TMC5: variants seen among roughly 807,000 people sequenced by gnomAD.
TMC5 encodes transmembrane channel-like protein 5.
In TMC5, 86 loss-of-function variants were observed where a neutral mutation model predicts 110.5. The observed-to-expected ratio is 0.78, with a 90% CI of 0.65 to 0.93. The LOEUF (loss-of-function observed/expected upper bound fraction) is 0.93. Among genes scored for constraint, TMC5 ranks in the 40% least tolerant of loss-of-function variants. The probability of loss-of-function intolerance (pLI) is 0.00; values close to 1 mark genes in which losing one functional copy is unlikely to be tolerated. For synonymous variants in TMC5, 455 were observed against 439.5 expected (o/e 1.04, Z -0.44); for missense variants, 1,144 against 1,222.8 (o/e 0.94, Z 0.96).
chr16:19,430,017 G>T (rs1001400864), intron 1 of TMC5, among the ~76,000 whole-genome samples: 1 of 151,920 alleles, frequency 6.6e-6, no homozygotes, highest in Non-Finnish European at 1.5e-5. Context: ...TTTTTGAGGG[G>T]ATGCAACTCA....
chr16:19,429,832 A>G (rs955150024), intron 1 of TMC5, among the ~76,000 whole-genome samples: 2 of 152,132 alleles, frequency 1.3e-5, no homozygotes, highest in African/African-American at 4.8e-5. Flanking sequence ...AAGTACTGGG[A>G]TTACGGCGGG....
chr16:19,434,766 C>T (rs932881508), intron 2 of TMC5, among the ~76,000 whole-genome samples: 1 of 152,124 alleles, frequency 6.6e-6, no homozygotes, highest in African/African-American at 2.4e-5. Context: ...TCAGTGACTG[C>T]TTCCTTGATG....
chr16:19,470,877 G>A (rs1030548113), intron 10 of TMC5, among the ~76,000 whole-genome samples: 3 of 151,588 alleles, frequency 2.0e-5, no homozygotes, highest in Non-Finnish European at 2.9e-5. Context: ...ACTAAAAAAA[G>A]GACAAAAAAG....
At chr16:19,438,565 A>G (rs915305211) in intron 2 of TMC5, among the ~76,000 whole-genome samples, 5 of 151,292 alleles carry the variant, frequency 3.3e-5, no homozygotes, top group Admixed American at 2.6e-4. Context: ...TGGCCAACAT[A>G]GTGAAACCCT....
chr16:19,463,445 G>A lies in TMC5; in HGVS notation c.1236+78G>A, dbSNP rs1029808316. The stretch of plus-strand genomic sequence containing the variant: ...GTGAGGATGAAAGGGGACTCAGGGG[G>A]AAGATGAACCAAAAATCAGAGCAAT... On this transcript the variant is annotated intron_variant, in intron 7 of 21. Transcript: ENST00000542583. 3 of 1,201,664 alleles carry A rather than the reference G, an allele frequency of 2.5e-6. No individual in the cohort carries two copies. In the Admixed American group the frequency reaches 5.1e-5, roughly 20 times the overall value. The allele number at this position is 1,201,664 out of a possible 1,614,324, so 74.4% of individuals were successfully genotyped here.
At chr16:19,448,698 A>ATTTTAT (rs1555482027) in intron 4 of TMC5, among the ~76,000 whole-genome samples, 1 of 144,304 alleles carries the variant, frequency 6.9e-6, no homozygotes, top group African/African-American at 2.5e-5. Context: ...TAGATAATAT[A>ATTTTAT]TATATTTTAA....
chr16:19,412,246 A>AT (rs1403864352), intron 1 of TMC5, among the ~76,000 whole-genome samples: 11 of 142,844 alleles, frequency 7.7e-5, no homozygotes, highest in Non-Finnish European at 1.5e-4. Context: ...AATTTTTTAA[A>AT]TTTTTGTAGA....
intron 5 of TMC5, chr16:19,456,884 A>G: frequency 6.2e-7 from 1 of 1,614,220 alleles, no homozygotes; most frequent in Non-Finnish European, 8.5e-7. Flanking sequence ...GACAGTCAGC[A>G]AAAGGAATGA....
chr16:19,420,253 T>C (rs544280457), intron 1 of TMC5, among the ~76,000 whole-genome samples: 10 of 152,048 alleles, frequency 6.6e-5, no homozygotes, highest in South Asian at 2.1e-4. Context: ...GGTGAAACCC[T>C]GTCTCTACTA....
At chr16:19,481,333 T>A in intron 14 of TMC5, 37 bp from the exon 15 acceptor site, 2 of 1,418,078 alleles carry the variant, frequency 1.4e-6, no homozygotes, top group South Asian at 2.3e-5. Context: ...AAAGTGGGAG[T>A]TATGGTTTGG....
chr16:19,420,968 TAAAATG>T (rs1196486843), intron 1 of TMC5, among the ~76,000 whole-genome samples: 1 of 152,030 alleles, frequency 6.6e-6, no homozygotes, highest in African/African-American at 2.4e-5. Flanking sequence ...GGAAAGGACT[TAAAATG>T]AGAGGAGGTG....
At chr16:19,434,011 A>G (rs1967249443) in intron 2 of TMC5, among the ~76,000 whole-genome samples, 2 of 64,748 alleles carry the variant, frequency 3.1e-5, no homozygotes, top group South Asian at 8.8e-4. Flanking sequence ...TATTATATAT[A>G]TAATATATAT....
intron 10 of TMC5, among the ~76,000 whole-genome samples, chr16:19,470,105 A>G (rs896587753): frequency 2.6e-5 from 4 of 151,508 alleles, no homozygotes; most frequent in Admixed American, 6.6e-5. Flanking sequence ...TGTGTTAGCC[A>G]GGATGGTCTC....
At chr16:19,452,803 A>G (rs960078961) in intron 5 of TMC5, among the ~76,000 whole-genome samples, 2 of 152,082 alleles carry the variant, frequency 1.3e-5, no homozygotes, top group Non-Finnish European at 2.9e-5. Flanking sequence ...TTCTGAAATG[A>G]GGGAGAATTT....
chr16:19,449,770 G>T (rs1967706007), intron 5 of TMC5, 139 bp downstream of exon 5: 4 of 706,740 alleles, frequency 5.7e-6, no homozygotes, highest in Non-Finnish European at 9.9e-6. Context: ...ATGATATTGA[G>T]GGAGTTCCCT....
intron 1 of TMC5, among the ~76,000 whole-genome samples, chr16:19,422,160 G>A (rs1460587828): frequency 6.6e-6 from 1 of 152,004 alleles, no homozygotes; most frequent in Non-Finnish European, 1.5e-5. Flanking sequence ...GAACCTGGGA[G>A]GTGGAGGTTG....
At chr16:19,468,948 C>T (rs1968254803) in intron 9 of TMC5, among the ~76,000 whole-genome samples, 1 of 152,208 alleles carries the variant, frequency 6.6e-6, no homozygotes, top group South Asian at 2.1e-4. Flanking sequence ...GCTATGACTA[C>T]ACCACTGCAC....
At chr16:19,436,687 GA>G (rs1198530057) in intron 2 of TMC5, among the ~76,000 whole-genome samples, 2 of 152,144 alleles carry the variant, frequency 1.3e-5, no homozygotes, top group Non-Finnish European at 2.9e-5. Flanking sequence ...TAGTCAAAAA[GA>G]GAATGTAATG....
chr16:19,440,338 C>G lies in TMC5; in HGVS notation c.300C>G (p.Asp100Glu). 1.2e-6 allele frequency: 2 copies of G among 1,614,134 alleles called. No homozygotes were observed. The highest frequency in any genetic ancestry group is 1.7e-6 in the Non-Finnish European group (2 of 1,180,026). ...AYSAASRTSP[D>E]HPTSLPEPDY... Reference sequence around the variant, plus strand: ...CTGCAGCCTCTAGAACAAGCCCAGACCATCCTACCTCTCTACCAGAGCCAG... The same window carrying G: ...CTGCAGCCTCTAGAACAAGCCCAGAGCATCCTACCTCTCTACCAGAGCCAG... Residue 100 changes from aspartate to glutamate, a missense_variant, in exon 3 of 22, where the codon GAC becomes GAG. Coordinates refer to ENST00000542583, the MANE Select transcript of TMC5 (RefSeq NM_001261841.2).
Sources: gnomAD v4.1 joint callset for allele counts (sites outside exome capture counted in the v4.1 genomes callset) on GRCh38, gnomAD v4.1.1 for gene constraint, MANE v1.5 for transcripts, NCBI Gene and HGNC (gene_info 2026-07-23, HGNC 2026-07-21) for gene names.